The following PABPC4L variants were observed in gnomAD, a reference collection of about 807,000 sequenced individuals.
The protein encoded by PABPC4L is poly(A) binding protein cytoplasmic 4 like, also known as polyadenylate-binding protein 4-like.
For synonymous variants in PABPC4L, 169 were observed against 164.1 expected (o/e 1.03, Z -0.23); for missense variants, 452 against 451.4 (o/e 1.00, Z -0.01).
the PABPC4L span, among the ~76,000 whole-genome samples, chr4:134,139,735 G>T: frequency 6.6e-6 from 1 of 150,820 alleles, no homozygotes; most frequent in South Asian, 2.1e-4. Flanking sequence ...GCTATGCCCA[G>T]GCTGGTCTCA....
the PABPC4L span, among the ~76,000 whole-genome samples, chr4:134,052,790 T>C: frequency 6.6e-6 from 1 of 152,218 alleles, no homozygotes; most frequent in Admixed American, 6.6e-5. Flanking sequence ...AGATTTGCAT[T>C]ATATAATCCT....
chr4:134,161,968 C>A, the PABPC4L span, among the ~76,000 whole-genome samples: 1 of 151,992 alleles, frequency 6.6e-6, no homozygotes, highest in Admixed American at 6.6e-5. Flanking sequence ...GTGTTTATTT[C>A]TTTTCTTTCT....
At chr4:134,154,295 A>G in the PABPC4L span, among the ~76,000 whole-genome samples, 1 of 151,906 alleles carries the variant, frequency 6.6e-6, no homozygotes, top group Non-Finnish European at 1.5e-5. Flanking sequence ...ATCTCTACTA[A>G]AAATACAAAA....
the PABPC4L span, among the ~76,000 whole-genome samples, chr4:133,962,681 G>A: frequency 6.6e-6 from 1 of 152,094 alleles, no homozygotes; most frequent in Non-Finnish European, 1.5e-5. Context: ...GGGCTAGAAG[G>A]GATTGGGGTC....
chr4:134,110,891 C>T, the PABPC4L span, among the ~76,000 whole-genome samples: 18 of 151,822 alleles, frequency 1.2e-4, no homozygotes, highest in African/African-American at 4.1e-4. Flanking sequence ...GTTGGTTGAA[C>T]CCACAAATGA....
chr4:134,034,188 A>G, the PABPC4L span, among the ~76,000 whole-genome samples: 1 of 151,968 alleles, frequency 6.6e-6, no homozygotes, highest in African/African-American at 2.4e-5. Context: ...AAATGGAAGA[A>G]CAAAGCATGG....
the PABPC4L span, among the ~76,000 whole-genome samples, chr4:134,090,226 TTAA>T: frequency 1.3e-5 from 2 of 152,260 alleles, no homozygotes; most frequent in African/African-American, 4.8e-5. Flanking sequence ...TCCTCATTAT[TTAA>T]TGTTTTTTCT....
At chr4:134,061,770 T>G in the PABPC4L span, among the ~76,000 whole-genome samples, 1 of 151,006 alleles carries the variant, frequency 6.6e-6, no homozygotes, top group Admixed American at 6.6e-5. Context: ...AAGTGAAGCA[T>G]AAATGCTCAT....
At chr4:134,067,686 A>G in the PABPC4L span, among the ~76,000 whole-genome samples, 1 of 151,820 alleles carries the variant, frequency 6.6e-6, no homozygotes. Flanking sequence ...TTCCCTCTTA[A>G]CCACCTTAGT....
the PABPC4L span, among the ~76,000 whole-genome samples, chr4:134,057,692 C>T: frequency 1.3e-5 from 2 of 152,052 alleles, no homozygotes; most frequent in African/African-American, 2.4e-5. Flanking sequence ...CGTATCTATT[C>T]ATGTTTTGGA....
the PABPC4L span, among the ~76,000 whole-genome samples, chr4:134,176,589 C>T: frequency 1.1e-4 from 17 of 152,088 alleles, no homozygotes; most frequent in Non-Finnish European, 2.4e-4. Flanking sequence ...GTGTGCCTCT[C>T]TCATGGAGAG....
At chr4:134,065,556 A>C in the PABPC4L span, among the ~76,000 whole-genome samples, 1 of 152,096 alleles carries the variant, frequency 6.6e-6, no homozygotes, top group Non-Finnish European at 1.5e-5. Flanking sequence ...ACTTTCTTCC[A>C]TTCTGGAGGT....
chr4:134,034,900 A>G, the PABPC4L span, among the ~76,000 whole-genome samples: 40 of 152,034 alleles, frequency 2.6e-4, no homozygotes, highest in Admixed American at 2.4e-3. Context: ...GTTTGAAATA[A>G]TTGACTCCAA....
the PABPC4L span, among the ~76,000 whole-genome samples, chr4:134,106,006 C>T: frequency 1.3e-5 from 2 of 151,578 alleles, no homozygotes; most frequent in Non-Finnish European, 3.0e-5. Flanking sequence ...GATTCAATTA[C>T]TCTTTAAAGT....
the PABPC4L span, among the ~76,000 whole-genome samples, chr4:134,076,394 G>A: frequency 4.3e-4 from 66 of 152,218 alleles, no homozygotes; most frequent in African/African-American, 1.3e-3. Context: ...CTTGGAGAGT[G>A]CAGAATGGAT....
At chr4:134,133,589 C>A in the PABPC4L span, among the ~76,000 whole-genome samples, 1 of 151,082 alleles carries the variant, frequency 6.6e-6, no homozygotes, top group South Asian at 2.1e-4. Flanking sequence ...GAATGGAAAC[C>A]CAATCATCAA....
chr4:134,160,899 A>G, the PABPC4L span, among the ~76,000 whole-genome samples: 1 of 152,008 alleles, frequency 6.6e-6, no homozygotes, highest in Non-Finnish European at 1.5e-5. Flanking sequence ...AAGAAAAAAG[A>G]AAGAAATTCC....
the PABPC4L span, among the ~76,000 whole-genome samples, chr4:133,966,575 AG>A: frequency 6.6e-6 from 1 of 152,220 alleles, no homozygotes; most frequent in Admixed American, 6.5e-5. Flanking sequence ...TCAATAAACT[AG>A]TGGATAAAGA....
chr4:134,027,570 T>C, the PABPC4L span, among the ~76,000 whole-genome samples: 3 of 152,206 alleles, frequency 2.0e-5, no homozygotes, highest in Admixed American at 6.6e-5. Context: ...GACAAACTGA[T>C]TTCCAATCTT....
Sources: gnomAD v4.1 joint callset for allele counts (sites outside exome capture counted in the v4.1 genomes callset) on GRCh38, gnomAD v4.1.1 for gene constraint, MANE v1.5 for transcripts, NCBI Gene and HGNC (gene_info 2026-07-23, HGNC 2026-07-21) for gene names.